IPO11: variants seen among roughly 807,000 people sequenced by gnomAD.
IPO11 encodes the protein importin-11.
Under a neutral mutation model 143.2 loss-of-function variants are expected in IPO11, and 66 were observed. The ratio of observed to expected loss-of-function variants is 0.46; its 90% CI spans 0.38 to 0.57. The LOEUF (loss-of-function observed/expected upper bound fraction) is 0.57, where lower values mean the gene tolerates loss of function less well. Among genes scored for constraint, IPO11 ranks in the 20% least tolerant of loss-of-function variants. IPO11 has a pLI of 0.00. For missense variants in IPO11, 1,026 were observed against 1,141.0 expected, an observed-to-expected ratio of 0.90 and a Z score of 1.45; for synonymous variants, 385 against 377.8, an observed-to-expected ratio of 1.02 and a Z score of -0.22.
At chr5:62,474,804 G>C (rs948626495) in intron 8 of IPO11, among the ~76,000 whole-genome samples, 4 of 152,102 alleles carry the variant, frequency 2.6e-5, no homozygotes, top group Non-Finnish European at 1.5e-5. Context: ...CAAACCCTTT[G>C]TGTACTATGC....
At chr5:62,438,866 T>G (rs1744338425) in intron 2 of IPO11, among the ~76,000 whole-genome samples, 1 of 152,012 alleles carries the variant, frequency 6.6e-6, no homozygotes, top group African/African-American at 2.4e-5. Context: ...GAGACCATCC[T>G]GACTAACACG....
chr5:62,475,223 A>T (rs1275703704), intron 8 of IPO11, among the ~76,000 whole-genome samples: 1 of 152,136 alleles, frequency 6.6e-6, no homozygotes, highest in African/African-American at 2.4e-5. Flanking sequence ...GATTTAAAAA[A>T]AAAGATTTCC....
intron 1 of IPO11, among the ~76,000 whole-genome samples, chr5:62,414,317 T>C (rs778150729): frequency 3.3e-5 from 5 of 152,178 alleles, no homozygotes; most frequent in Non-Finnish European, 7.3e-5. Flanking sequence ...TTTTTTTTTC[T>C]CAGCAATAAA....
chr5:62,463,589 T>C (rs1167800608), intron 5 of IPO11, among the ~76,000 whole-genome samples: 2 of 151,652 alleles, frequency 1.3e-5, no homozygotes, highest in Non-Finnish European at 2.9e-5. Context: ...GGGGATTGCT[T>C]GAGCCCAGGA....
At chr5:62,497,622 C>G (rs370765216) in intron 16 of IPO11, among the ~76,000 whole-genome samples, 1 of 152,170 alleles carries the variant, frequency 6.6e-6, no homozygotes, top group Non-Finnish European at 1.5e-5. Flanking sequence ...GAGTGTACCA[C>G]TATGCCTGGC....
At chr5:62,464,766 C>T (rs888580408) in intron 5 of IPO11, among the ~76,000 whole-genome samples, 1 of 152,176 alleles carries the variant, frequency 6.6e-6, no homozygotes, top group Non-Finnish European at 1.5e-5. Flanking sequence ...AGCCATCGCG[C>T]CTGGTCTGAG....
At chr5:62,542,460 A>G (rs1742992892) in intron 24 of IPO11, among the ~76,000 whole-genome samples, 1 of 152,172 alleles carries the variant, frequency 6.6e-6, no homozygotes, top group South Asian at 2.1e-4. Context: ...TAGCAATAAC[A>G]ATAGTTTTTA....
chr5:62,456,052 G>C (rs1234731645), intron 5 of IPO11, among the ~76,000 whole-genome samples: 1 of 151,748 alleles, frequency 6.6e-6, no homozygotes, highest in African/African-American at 2.4e-5. Flanking sequence ...TTTTTGAGAA[G>C]GGGTCTCGCT....
At chr5:62,437,245 A>G in intron 1 of IPO11, 29 bp from the exon 2 acceptor site, 1 of 1,544,002 alleles carries the variant, frequency 6.5e-7, no homozygotes, top group Non-Finnish European at 8.8e-7. Flanking sequence ...TGTAATACAT[A>G]TTCAAGTATG....
intron 27 of IPO11, among the ~76,000 whole-genome samples, chr5:62,569,472 C>T (rs1469430798): frequency 6.6e-6 from 1 of 152,124 alleles, no homozygotes; most frequent in Non-Finnish European, 1.5e-5. Flanking sequence ...TCTGTTTTGC[C>T]ATATTGCTCT....
rs968472257 is a variant in IPO11, at chr5:62,604,204, GTTGTT to G, written c.2763+2375_2763+2379del. On this transcript the variant is annotated intron_variant, in intron 29 of 29. Coordinates refer to ENST00000325324, the MANE Select transcript of IPO11 (RefSeq NM_016338.5). Reference sequence around the variant, plus strand: ...TCCTTTGAAATTAAACTGTTTTGTGGTTGTTTTGTTTTGTTTTGTTTTGCAATGGA... The same window carrying G: ...TCCTTTGAAATTAAACTGTTTTGTGGTTGTTTTGTTTTGTTTTGCAATGGA... 1.1e-4 allele frequency among the ~76,000 whole-genome samples: 16 copies of G among 152,068 alleles called. 1 individual carries two copies. Among genetic ancestry groups the G allele is most frequent in the South Asian group, 4.1e-4 (2 of 4,830 alleles).
rs372428378 is a variant in IPO11 at position 62,435,204 on chromosome 5, ATATATGTG to A, written c.-6-2064_-6-2057del. On this transcript the variant is annotated intron_variant, in intron 1 of 29. Transcript: ENST00000325324. Reference sequence around the variant, plus strand: ...TGTATATATATGTATATATATGTATATATATGTGTATATATATATATATCAGAGCAGCT... The same window carrying A: ...TGTATATATATGTATATATATGTATATATATATATATATATCAGAGCAGCT... Among the ~76,000 whole-genome samples, 125 of 99,302 alleles carry A rather than the reference ATATATGTG, an allele frequency of 1.3e-3. 5 individuals are homozygous for A. The highest frequency in any genetic ancestry group is 3.9e-3 in the Admixed American group (35 of 8,992). The allele number at this position is 99,302 out of a possible 152,430, so 65.1% of individuals were successfully genotyped here.
intron 22 of IPO11, among the ~76,000 whole-genome samples, chr5:62,534,798 G>A (rs1235514702): frequency 6.6e-6 from 1 of 152,074 alleles, no homozygotes; most frequent in Non-Finnish European, 1.5e-5. Flanking sequence ...CAAATGTCCT[G>A]TAGGGGACAA....
At chr5:62,597,798 A>G (rs1745281349) in intron 28 of IPO11, among the ~76,000 whole-genome samples, 1 of 152,192 alleles carries the variant, frequency 6.6e-6, no homozygotes, top group African/African-American at 2.4e-5. Context: ...ATATTTATAT[A>G]AGTGACTATA....
intron 6 of IPO11, among the ~76,000 whole-genome samples, chr5:62,468,717 G>A (rs150490005): frequency 3.3e-5 from 5 of 152,272 alleles, no homozygotes; most frequent in African/African-American, 1.2e-4. Flanking sequence ...CGAAAAAGAT[G>A]TAGCTTTACT....
intron 15 of IPO11, among the ~76,000 whole-genome samples, chr5:62,492,716 G>A (rs1249503430): frequency 3.3e-5 from 5 of 151,848 alleles, no homozygotes; most frequent in African/African-American, 1.2e-4. Flanking sequence ...CTATTTTTGT[G>A]TAGTTTTGGT....
rs34933123 is a variant in IPO11 at position 62,451,753 on chromosome 5, C to T, written c.336C>T (p.Leu112=). 1.2e-6 allele frequency: 2 copies of T among 1,614,058 alleles called. No individual in the cohort carries two copies. The highest frequency in any genetic ancestry group is 1.7e-5 in the Admixed American group (1 of 60,020). The change falls in exon 5 of 30, where the codon CTC becomes CTT. Residue 112 remains leucine (L), a synonymous_variant. Transcript: ENST00000325324. ...INQIATQIAV[L]IAKVARLDCP... is the part of the protein sequence containing the mutation. ...AGATTGCAACTCAGATTGCAGTGCT[C>T]ATTGCAAAAGTTGCTAGATTGGATT...
In IPO11 at chr5:62,554,416, C is replaced by T. The variant is rs779469006; in HGVS notation, c.2460+3080C>T. On this transcript the variant is annotated intron_variant, in intron 26 of 29. Transcript: ENST00000325324. ...AGTAATCTTATAGTTGTGGGTCTCA[C>T]ATTTTAAGTCTTTAGTTCATCTAGA... Among the ~76,000 whole-genome samples the T allele has an allele frequency of 8.5e-5, 13 of 152,100 alleles. 1 individual carries two copies. Among genetic ancestry groups the T allele is most frequent in the Non-Finnish European group, 1.9e-4 (13 of 68,036 alleles).
rs762839716 is a variant in IPO11, at chr5:62,553,977, C to T, written c.2460+2641C>T. ...AACTCCTGACCTCAGGTGATCTGCC[C>T]GCCTCGGCCTCCCAAAGTGCTGGGA... On this transcript the variant is annotated intron_variant, in intron 26 of 29. Transcript: ENST00000325324. 2.6e-5 allele frequency among the ~76,000 whole-genome samples: 4 copies of T among 152,082 alleles called. No homozygotes were observed. In the East Asian group the frequency reaches 5.8e-4, roughly 22 times the overall value.
Sources: gnomAD v4.1 joint callset for allele counts (sites outside exome capture counted in the v4.1 genomes callset) on GRCh38, gnomAD v4.1.1 for gene constraint, MANE v1.5 for transcripts, NCBI Gene and HGNC (gene_info 2026-07-23, HGNC 2026-07-21) for gene names.